The following EMSY variants were observed in gnomAD, a reference collection of about 807,000 sequenced individuals.
EMSY encodes the protein BRCA2-interacting transcriptional repressor EMSY.
Under a neutral mutation model 134.6 loss-of-function variants are expected in EMSY, and 26 were observed. That is an observed-to-expected ratio of 0.19 (90% CI 0.14 to 0.27). The LOEUF (loss-of-function observed/expected upper bound fraction) is 0.27, where lower values mean the gene tolerates loss of function less well. EMSY is among the 10% of genes least tolerant of loss of function. The pLI is 1.00. For synonymous variants in EMSY, 579 were observed against 577.8 expected (o/e 1.00, Z -0.03); for missense variants, 1,305 against 1,611.4 (o/e 0.81, Z 3.26).
At chr11:76,459,886 A>G in intron 5 of EMSY, 47 bp from the exon 7 acceptor site, 1 of 1,601,374 alleles carries the variant, frequency 6.2e-7, no homozygotes. Context: ...GTATGCCTGG[A>G]CAGTTTTGGT....
At chr11:76,535,856 G>C in intron 14 of EMSY, 39 bp from the exon 16 acceptor site, 3 of 1,335,690 alleles carry the variant, frequency 2.2e-6, no homozygotes, top group Non-Finnish European at 3.0e-6. Flanking sequence ...GAGAAACTTT[G>C]TTTATAGGGT....
intron 11 of EMSY, among the ~76,000 whole-genome samples, chr11:76,519,599 CT>C (rs1950574826): frequency 6.6e-6 from 1 of 152,106 alleles, no homozygotes; most frequent in Non-Finnish European, 1.5e-5. Flanking sequence ...TGTTTTTGCA[CT>C]TTTTCATTCG....
intron 8 of EMSY, among the ~76,000 whole-genome samples, chr11:76,490,632 C>T (rs2135689254): frequency 6.6e-6 from 1 of 152,236 alleles, no homozygotes; most frequent in South Asian, 2.1e-4. Flanking sequence ...TATTTATAAA[C>T]TTCACATTGC....
At chr11:76,451,771 G>GT (rs1271016535) in intron 2 of EMSY, 87 bp from the exon 3 acceptor site, 6 of 667,760 alleles carry the variant, frequency 9.0e-6, no homozygotes, top group South Asian at 3.7e-5. Context: ...ATTATTTTTA[G>GT]TTTTTTTGCC....
At chr11:76,459,221 G>C (rs1319592137) in intron 5 of EMSY, 1 of 152,144 alleles carries the variant, frequency 6.6e-6, no homozygotes, top group Non-Finnish European at 1.5e-5. Flanking sequence ...TCATTTCCTA[G>C]CTGTATGACC....
chr11:76,497,049 A>T (rs1949685536), intron 9 of EMSY: 1 of 155,868 alleles, frequency 6.4e-6, no homozygotes, highest in Non-Finnish European at 1.4e-5. Flanking sequence ...GCTCTTTATC[A>T]GGTAGACGGA....
chr11:76,506,543 T>A (rs1177259182), intron 9 of EMSY, among the ~76,000 whole-genome samples: 1 of 152,032 alleles, frequency 6.6e-6, no homozygotes, highest in Non-Finnish European at 1.5e-5. Flanking sequence ...AACAGGAAAG[T>A]GGAAAATGGA....
At chr11:76,457,350 C>G (rs561390618) in intron 4 of EMSY, among the ~76,000 whole-genome samples, 7 of 152,278 alleles carry the variant, frequency 4.6e-5, no homozygotes, top group Non-Finnish European at 8.8e-5. Context: ...AATCATTAGT[C>G]AGGGTCTTTC....
At chr11:76,521,654 C>A (rs1383479160) in intron 11 of EMSY, among the ~76,000 whole-genome samples, 1 of 151,676 alleles carries the variant, frequency 6.6e-6, no homozygotes, top group Non-Finnish European at 1.5e-5. Flanking sequence ...GTCCTAGGTA[C>A]CTAAGAGGCT....
chr11:76,449,570 T>A (rs1333301712), intron 2 of EMSY, among the ~76,000 whole-genome samples: 1 of 152,250 alleles, frequency 6.6e-6, no homozygotes, highest in East Asian at 1.9e-4. Context: ...CCTCTTCATT[T>A]CTTTTTATGG....
At chr11:76,484,754 G>A (rs1949112616) in intron 8 of EMSY, among the ~76,000 whole-genome samples, 1 of 152,062 alleles carries the variant, frequency 6.6e-6, no homozygotes, top group African/African-American at 2.4e-5. Flanking sequence ...CCAACATGGA[G>A]AAACCCCATC....
chr11:76,550,043 A>C (rs1951791670), exon 21 of EMSY: 1 of 1,613,782 alleles, frequency 6.2e-7, no homozygotes, highest in African/African-American at 1.3e-5. Flanking sequence ...TTCACTAGTC[A>C]ACAGCTGGAT....
chr11:76,463,063 C>G (rs1394432123), intron 6 of EMSY, among the ~76,000 whole-genome samples: 2 of 152,014 alleles, frequency 1.3e-5, no homozygotes, highest in African/African-American at 4.8e-5. Context: ...CGCCTGTAAT[C>G]CCAGCACTTT....
At chr11:76,519,686 T>C (rs1950577673) in intron 11 of EMSY, among the ~76,000 whole-genome samples, 1 of 152,162 alleles carries the variant, frequency 6.6e-6, no homozygotes, top group African/African-American at 2.4e-5. Context: ...AATCTGTAAA[T>C]AGAATAGTAA....
Position 76,513,374 on chromosome 11 carries a change from C to T in EMSY, c.1364-12C>T. ...ATAATTTGTGCTGAGATTTATCTTT[C>T]TTCTTTCAAAGGTGTTAAAATCATC... is the stretch of plus-strand genomic sequence containing the variant. On this transcript the variant is annotated splice_polypyrimidine_tract_variant and intron_variant, in intron 9 of 20. Transcript: ENST00000334736. The T allele has an allele frequency of 6.2e-7, 1 of 1,611,542 alleles. No homozygotes were observed. The highest frequency in any genetic ancestry group is 8.5e-7 in the Non-Finnish European group (1 of 1,178,836).
chr11:76,537,806 T>C, exon 16 of EMSY: 1 of 1,598,426 alleles, frequency 6.3e-7, no homozygotes, highest in Non-Finnish European at 8.5e-7. Context: ...AAAGGAAAAA[T>C]TGGAATCTAA....
At chr11:76,507,741 C>T (rs1950129610) in intron 9 of EMSY, among the ~76,000 whole-genome samples, 1 of 152,120 alleles carries the variant, frequency 6.6e-6, no homozygotes. Flanking sequence ...CAAAAATGTT[C>T]TGAATGCATC....
intron 1 of EMSY, among the ~76,000 whole-genome samples, chr11:76,446,589 G>A (rs1409313599): frequency 6.6e-6 from 1 of 152,084 alleles, no homozygotes; most frequent in African/African-American, 2.4e-5. Context: ...TTTAATACGC[G>A]TAACAAACTG....
At chr11:76,508,566 GTCA>G (rs1376153895) in intron 9 of EMSY, among the ~76,000 whole-genome samples, 1 of 152,176 alleles carries the variant, frequency 6.6e-6, no homozygotes, top group African/African-American at 2.4e-5. Flanking sequence ...TAACAAGAGA[GTCA>G]GTCTGTTCTT....
Sources: allele counts gnomAD v4.1 joint callset (sites outside exome capture counted in the v4.1 genomes callset), GRCh38; gene constraint gnomAD v4.1.1; transcripts MANE v1.5; gene names NCBI Gene and HGNC (gene_info 2026-07-23, HGNC 2026-07-21).